The following GPR19 variants were observed in gnomAD, a reference collection of about 807,000 sequenced individuals.
The protein encoded by GPR19 is G protein-coupled receptor 19.
A neutral mutation model predicts 28.5 loss-of-function variants in GPR19; 14 were observed. The ratio of observed to expected loss-of-function variants is 0.49; its 90% CI spans 0.32 to 0.77. The LOEUF (loss-of-function observed/expected upper bound fraction) is 0.77, where lower values mean the gene tolerates loss of function less well. Among genes scored for constraint, GPR19 ranks in the 30% least tolerant of loss-of-function variants. GPR19 has a pLI of 0.03. For missense variants in GPR19, 409 were observed against 504.1 expected, an observed-to-expected ratio of 0.81 and a Z score of 1.81; for synonymous variants, 173 against 184.1, an observed-to-expected ratio of 0.94 and a Z score of 0.49.
the GPR19 span, among the ~76,000 whole-genome samples, chr12:12,715,466 CT>C: frequency 0.029 from 4,357 of 152,334 alleles, 209 homozygotes; most frequent in African/African-American, 0.099. Context: ...GTATCAACCC[CT>C]GTCCTTCAAT....
chr12:12,677,832 G>A (rs1388745461), intron 3 of GPR19, among the ~76,000 whole-genome samples: 1 of 151,746 alleles, frequency 6.6e-6, no homozygotes, highest in Non-Finnish European at 1.5e-5. Context: ...CCAGCACTTT[G>A]GGAGGCCAAG....
Position 12,662,215 on chromosome 12 carries a change from A to AT in GPR19, c.233_234insA (p.Phe78LeufsTer15), listed in dbSNP as rs1367898892. The AT allele has an allele frequency of 1.9e-6, 3 of 1,614,060 alleles. No homozygotes were observed. In the African/African-American group the frequency reaches 4.0e-5, roughly 22 times the overall value. On this transcript the variant is annotated frameshift_variant, in exon 4 of 4. Coordinates refer to ENST00000651487, the MANE Select transcript of GPR19 (RefSeq NM_006143.3). LOFTEE classifies it high-confidence loss of function. ...AAACCAGGGAATTGCCGAAGATAGA[A>AT]AACAACCACAGAATCCCAAAGAAGA...
At chr12:12,685,920 C>T (rs1182228104) in intron 2 of GPR19, among the ~76,000 whole-genome samples, 1 of 152,160 alleles carries the variant, frequency 6.6e-6, no homozygotes, top group African/African-American at 2.4e-5. Flanking sequence ...AGAGCCACAC[C>T]TGACTGTCGA....
rs2136339663 is a variant in GPR19 at position 12,696,093 on chromosome 12, TCA to T, written c.-263_-262del. Reference sequence around the variant, plus strand: ...CTTGTGGACTTTTGCCTGCAAAATCTCATAGAATGTGGTGTTGTGTACGTGAA... The same window carrying T: ...CTTGTGGACTTTTGCCTGCAAAATCTTAGAATGTGGTGTTGTGTACGTGAA... On this transcript the variant is annotated 5_prime_UTR_variant, in exon 1 of 4. The change abolishes an upstream ATG in the 5' untranslated region. Transcript: ENST00000651487. 6.6e-6 allele frequency: 1 copy of T among 152,264 alleles called. No individual in the cohort carries two copies. Among genetic ancestry groups the T allele is most frequent in the Non-Finnish European group, 1.5e-5 (1 of 68,024 alleles). The allele number at this position is 152,264 out of a possible 1,614,324, so 9.4% of individuals were successfully genotyped here.
Position 12,661,643 on chromosome 12 carries a change from C to A in GPR19, c.806G>T (p.Arg269Leu). 1 of 1,613,816 alleles carries A rather than the reference C, an allele frequency of 6.2e-7. No homozygotes were observed. Among genetic ancestry groups the A allele is most frequent in the Non-Finnish European group, 8.5e-7 (1 of 1,179,826 alleles). The change falls in exon 4 of 4, where the codon CGG becomes CTG. Residue 269 changes from arginine to leucine, a missense_variant. By Grantham distance (102) the Arg-to-Leu change is moderately radical (BLOSUM62 -2). Transcript: ENST00000651487. The surrounding 1 kb of genome is among the most constrained non-coding windows in gnomAD (Gnocchi z 4.2). ...CATCTTGATAGTTTTCACTTTTGTCCGAGGGACAATGTTCATTGTCCTCCT... is the reference window on the plus strand; with the variant it reads ...CATCTTGATAGTTTTCACTTTTGTCAGAGGGACAATGTTCATTGTCCTCCT... ...TVRRTMNIVPRTKVKTIKMFL... is the reference protein window; with the variant it reads ...TVRRTMNIVPLTKVKTIKMFL...
chr12:12,715,409 T>C, the GPR19 span, among the ~76,000 whole-genome samples: 1 of 152,256 alleles, frequency 6.6e-6, no homozygotes, highest in Non-Finnish European at 1.5e-5. Context: ...TAGGAAGTCC[T>C]GACTTGAAAA....
chr12:12,697,474 T>C (rs1331692247), upstream of GPR19, among the ~76,000 whole-genome samples: 1 of 152,202 alleles, frequency 6.6e-6, no homozygotes, highest in Non-Finnish European at 1.5e-5. Context: ...CTTAAATAAC[T>C]GGTAGATTCA....
chr12:12,692,590 T>A (rs1946199791), intron 2 of GPR19, among the ~76,000 whole-genome samples: 1 of 152,186 alleles, frequency 6.6e-6, no homozygotes, highest in Admixed American at 6.5e-5. Flanking sequence ...CTGGATACCC[T>A]CATTTATAGA....
chr12:12,717,032 C>T, the GPR19 span: 1 of 1,003,516 alleles, frequency 1.0e-6, no homozygotes, highest in Non-Finnish European at 1.2e-6. Flanking sequence ...GGGGCTTAGG[C>T]GCCGCGGCGA....
the GPR19 span, among the ~76,000 whole-genome samples, chr12:12,705,677 A>G: frequency 6.6e-6 from 1 of 151,880 alleles, no homozygotes; most frequent in African/African-American, 2.4e-5. Flanking sequence ...CCTCCCCAGT[A>G]GCTGGGACTA....
chr12:12,705,115 CTTTTTTT>C, the GPR19 span, among the ~76,000 whole-genome samples: 1 of 136,624 alleles, frequency 7.3e-6, no homozygotes, highest in Non-Finnish European at 1.5e-5. Context: ...AGAAATGCAT[CTTTTTTT>C]TTTTTTTTTG....
intron 3 of GPR19, among the ~76,000 whole-genome samples, chr12:12,669,494 G>A (rs1404484879): frequency 6.6e-6 from 1 of 152,154 alleles, no homozygotes; most frequent in Admixed American, 6.6e-5. Flanking sequence ...TCATTGTTGT[G>A]TAGGCTTGAT....
the GPR19 span, among the ~76,000 whole-genome samples, chr12:12,713,246 G>A: frequency 2.6e-5 from 4 of 151,884 alleles, no homozygotes; most frequent in Non-Finnish European, 5.9e-5. Flanking sequence ...TGTATTATTA[G>A]TAGAGACAGG....
intron 2 of GPR19, among the ~76,000 whole-genome samples, chr12:12,687,508 G>A (rs1433037165): frequency 1.3e-5 from 2 of 152,216 alleles, no homozygotes; most frequent in Non-Finnish European, 2.9e-5. Context: ...CAGTCGAGAT[G>A]TCATGCTGGT....
In GPR19 at chr12:12,661,480, T is replaced by C; in HGVS notation, c.969A>G (p.Ser323=). The C allele has an allele frequency of 3.1e-6, 5 of 1,613,840 alleles. No homozygotes were observed. The highest frequency in any genetic ancestry group is 4.2e-6 in the Non-Finnish European group (5 of 1,179,710). ...TAITWISFSS[S]ASKPTLYSIY... ...TTGAATACAGAGTAGGTTTAGAGGC[T>C]GAAGAACTAAAGGATATCCATGTGA... Residue 323 remains serine, a synonymous_variant, in exon 4 of 4, where the codon TCA becomes TCG. Transcript: ENST00000651487. This position sits in a 1 kb window ranked among gnomAD's most constrained non-coding sequence, Gnocchi z 4.2.
At chr12:12,666,160 C>T (rs1168283119) in intron 3 of GPR19, among the ~76,000 whole-genome samples, 1 of 152,108 alleles carries the variant, frequency 6.6e-6, no homozygotes, top group East Asian at 1.9e-4. Context: ...CTTTTCCCCT[C>T]AGAAACATAG....
the GPR19 span, chr12:12,715,711 CTGAG>C: frequency 3.9e-5 from 6 of 152,298 alleles, no homozygotes; most frequent in Non-Finnish European, 8.8e-5. Flanking sequence ...ATGAACCAAC[CTGAG>C]TGTTAGGAGA....
chr12:12,702,884 A>G, the GPR19 span, among the ~76,000 whole-genome samples: 1 of 152,270 alleles, frequency 6.6e-6, no homozygotes, highest in Non-Finnish European at 1.5e-5. Context: ...GTATACTGAC[A>G]TGAATCTCAT....
chr12:12,705,115 C>T, the GPR19 span, among the ~76,000 whole-genome samples: 10 of 136,620 alleles, frequency 7.3e-5, no homozygotes, highest in Admixed American at 7.7e-5. Flanking sequence ...AGAAATGCAT[C>T]TTTTTTTTTT....
Sources: gnomAD v4.1 joint callset for allele counts (sites outside exome capture counted in the v4.1 genomes callset) on GRCh38, gnomAD v4.1.1 for gene constraint, Gnocchi (gnomAD v3.1) non-coding constraint, MANE v1.5 for transcripts, NCBI Gene and HGNC (gene_info 2026-07-23, HGNC 2026-07-21) for gene names.